Variants in TMEM161B observed in about 807,000 individuals in gnomAD.
TMEM161B encodes the protein transmembrane protein 161B.
In TMEM161B, 34 loss-of-function variants were observed where a neutral mutation model predicts 61.8. The observed-to-expected ratio is 0.55, with a 90% confidence interval of 0.42 to 0.73. The LOEUF (loss-of-function observed/expected upper bound fraction) is 0.73. Ranked by LOEUF, TMEM161B falls within the 30% of genes least tolerant of loss-of-function variation. The pLI is 0.00. For missense variants in TMEM161B, 456 were observed against 558.5 expected (o/e 0.82, Z 1.85); for synonymous variants, 167 against 192.8 (o/e 0.87, Z 1.11).
At chr5:88,261,498 G>A (rs1242085569) in intron 1 of TMEM161B, among the ~76,000 whole-genome samples, 1 of 151,894 alleles carries the variant, frequency 6.6e-6, no homozygotes, top group Non-Finnish European at 1.5e-5. Context: ...GAACAAAGTT[G>A]GAGGACTGAC....
intron 1 of TMEM161B, among the ~76,000 whole-genome samples, chr5:88,262,302 T>C (rs998035099): frequency 3.3e-5 from 5 of 152,206 alleles, no homozygotes; most frequent in African/African-American, 9.7e-5. Context: ...GGAACTCTGA[T>C]TCATTGCTGG....
chr5:88,266,153 T>C (rs1438673022), intron 1 of TMEM161B, among the ~76,000 whole-genome samples: 2 of 152,226 alleles, frequency 1.3e-5, no homozygotes, highest in African/African-American at 4.8e-5. Context: ...AAAAACCTTG[T>C]TATAGGCACA....
intron 2 of TMEM161B, among the ~76,000 whole-genome samples, chr5:88,237,753 T>C (rs1428185372): frequency 6.6e-6 from 1 of 151,938 alleles, no homozygotes; most frequent in Non-Finnish European, 1.5e-5. Flanking sequence ...AAAAGAACAG[T>C]CTAAAAAAAA....
intron 5 of TMEM161B, among the ~76,000 whole-genome samples, chr5:88,216,955 G>T (rs1221217241): frequency 1.3e-5 from 2 of 152,238 alleles, no homozygotes; most frequent in Admixed American, 1.3e-4. Context: ...TACTTGATCT[G>T]CAAGGGGAGG....
At chr5:88,228,122 A>G (rs1028797137) in intron 3 of TMEM161B, among the ~76,000 whole-genome samples, 63 of 152,116 alleles carry the variant, frequency 4.1e-4, no homozygotes, top group African/African-American at 1.4e-3. Flanking sequence ...CTGGAAAATA[A>G]CCCAAACCAA....
At chr5:88,193,379 A>G (rs1022626280), downstream of TMEM161B, among the ~76,000 whole-genome samples, 2 of 152,184 alleles carry the variant, frequency 1.3e-5, no homozygotes, top group Admixed American at 6.5e-5. Flanking sequence ...ACAAAATAAA[A>G]GAACTATACT....
At position 88,203,028 on chromosome 5, in the gene TMEM161B, A is replaced by C. The variant is rs1451433784; in HGVS notation, c.848T>G (p.Leu283Arg). ...GTCTTTGGTGATTGGTTTTACCCAGAGCAGAACCATAAATAAAGGTGCCAA... is the reference window on the plus strand; with the variant it reads ...GTCTTTGGTGATTGGTTTTACCCAGCGCAGAACCATAAATAAAGGTGCCAA... ...NFLAPLFMVLLWVKPITKDYI... is the reference protein window; with the variant it reads ...NFLAPLFMVLRWVKPITKDYI... The change falls in exon 9 of 12, where the codon CTC becomes CGC. Residue 283 changes from leucine (L) to arginine (R), a missense_variant. Around this residue, in one of 3 missense-constraint regions of TMEM161B, gnomAD observed 367 missense variants for 427.3 expected, o/e 0.86. Coordinates refer to ENST00000296595, the MANE Select transcript of TMEM161B (RefSeq NM_153354.5). 6.2e-7 allele frequency: 1 copy of C among 1,611,508 alleles called. No individual in the cohort carries two copies. Among genetic ancestry groups the C allele is most frequent in the Non-Finnish European group, 8.5e-7 (1 of 1,178,128 alleles).
At chr5:88,228,342 A>T (rs1750402449) in intron 3 of TMEM161B, 103 bp downstream of exon 3, 1 of 848,484 alleles carries the variant, frequency 1.2e-6, no homozygotes, top group Non-Finnish European at 1.8e-6. Flanking sequence ...TTTATCAACT[A>T]CTTACAACAT....
At position 88,229,290 on chromosome 5, in the gene TMEM161B, C is replaced by T. The variant is rs575703784; in HGVS notation, c.108-762G>A. On this transcript the variant is annotated intron_variant, in intron 2 of 11. Coordinates refer to ENST00000296595, the MANE Select transcript of TMEM161B (RefSeq NM_153354.5). ...TATCTTATTTTCAATGTGCCCTCTC[C>T]ACATGCTATTATTAATTCTGTTTCT... Among the ~76,000 whole-genome samples, 4 of 152,212 alleles carry T rather than the reference C, an allele frequency of 2.6e-5. No homozygotes were observed. In the East Asian group the frequency reaches 7.7e-4, roughly 29 times the overall value.
intron 2 of TMEM161B, among the ~76,000 whole-genome samples, chr5:88,237,399 G>A (rs966365527): frequency 1.3e-5 from 2 of 152,074 alleles, no homozygotes; most frequent in Non-Finnish European, 2.9e-5. Flanking sequence ...AGGTAGCAGG[G>A]GGAACAGAGG....
At chr5:88,265,943 T>A (rs1343888023) in intron 1 of TMEM161B, among the ~76,000 whole-genome samples, 2 of 152,212 alleles carry the variant, frequency 1.3e-5, no homozygotes, top group Non-Finnish European at 2.9e-5. Context: ...ACAAATTAGC[T>A]TGAATGGTAG....
chr5:88,245,715 TG>T lies in TMEM161B; in HGVS notation c.4-4800del, dbSNP rs1451971919. Among the ~76,000 whole-genome samples the T allele has an allele frequency of 5.9e-5, 9 of 151,976 alleles. No individual in the cohort carries two copies. In the East Asian group the frequency reaches 1.7e-3, roughly 29 times the overall value. ...GATACATATGAGGCAGTATATAAACTGGGGAAGAGGGCATCTTGCCCAACTC... is the reference window on the plus strand; with the variant it reads ...GATACATATGAGGCAGTATATAAACTGGGAAGAGGGCATCTTGCCCAACTC... On this transcript the variant is annotated intron_variant, in intron 1 of 11. Coordinates refer to ENST00000296595, the MANE Select transcript of TMEM161B (RefSeq NM_153354.5).
intron 1 of TMEM161B, among the ~76,000 whole-genome samples, chr5:88,256,757 A>G (rs1384038810): frequency 6.6e-6 from 1 of 152,212 alleles, no homozygotes; most frequent in Non-Finnish European, 1.5e-5. Flanking sequence ...ATAAATCTTT[A>G]CCTTTTGATA....
At chr5:88,220,314 A>G (rs1162037485) in intron 5 of TMEM161B, among the ~76,000 whole-genome samples, 1 of 152,156 alleles carries the variant, frequency 6.6e-6, no homozygotes, top group African/African-American at 2.4e-5. Flanking sequence ...GAAATGCCTA[A>G]AAGAGGTGAA....
chr5:88,206,947 A>G, intron 6 of TMEM161B, 82 bp downstream of exon 6: 1 of 1,149,450 alleles, frequency 8.7e-7, no homozygotes, highest in East Asian at 2.5e-5. Context: ...TATTTATCAG[A>G]CATAAAACTT....
At chr5:88,204,613 A>G (rs1212518355) in intron 8 of TMEM161B, among the ~76,000 whole-genome samples, 1 of 152,074 alleles carries the variant, frequency 6.6e-6, no homozygotes, top group Non-Finnish European at 1.5e-5. Context: ...GCTTATTTAA[A>G]TCATAACACT....
At chr5:88,221,532 T>C (rs1472866941) in intron 4 of TMEM161B, 9 of 355,570 alleles carry the variant, frequency 2.5e-5, no homozygotes, top group Non-Finnish European at 2.8e-5. Flanking sequence ...AATATACCTC[T>C]TATACCCTAT....
In TMEM161B at chr5:88,195,489, A is replaced by G; in HGVS notation, c.*722T>C. The G allele has an allele frequency of 1.0e-6, 1 of 984,880 alleles. No homozygotes were observed. The highest frequency in any genetic ancestry group is 1.7e-5 in the African/African-American group (1 of 57,250). 61.0% of individuals were successfully genotyped at this position (984,880 alleles called of 1,614,324 possible). A position where few individuals can be genotyped will look rare whatever the true frequency, so the allele number is the denominator to read the frequency against. ...AAAAGGAACTAGTTAGGATCACAGA[A>G]TAAAACAAAATATGGCAGGTCCAAA... On this transcript the variant is annotated 3_prime_UTR_variant, in exon 12 of 12. Coordinates refer to ENST00000296595, the MANE Select transcript of TMEM161B (RefSeq NM_153354.5).
chr5:88,193,565 T>C (rs1304877466), downstream of TMEM161B, among the ~76,000 whole-genome samples: 1 of 152,156 alleles, frequency 6.6e-6, no homozygotes, highest in Non-Finnish European at 1.5e-5. Context: ...AATACTTGGT[T>C]TGCTCAAGCC....
Sources: allele counts gnomAD v4.1 joint callset (sites outside exome capture counted in the v4.1 genomes callset), GRCh38; gene constraint gnomAD v4.1.1; regional missense constraint gnomAD v4.1.1; transcripts MANE v1.5; gene names NCBI Gene and HGNC (gene_info 2026-07-23, HGNC 2026-07-21).